Variants in SYTL2 observed in about 807,000 individuals in gnomAD.
SYTL2 encodes synaptotagmin-like protein 2.
In SYTL2, 165 loss-of-function variants were observed where a neutral mutation model predicts 198.7. That is an observed-to-expected ratio of 0.83 (90% CI 0.73 to 0.94). SYTL2 has a LOEUF of 0.94. SYTL2 is among the 40% of genes least tolerant of loss of function. The probability of loss-of-function intolerance (pLI) is 0.00; values close to 1 mark genes in which losing one functional copy is unlikely to be tolerated. For synonymous variants in SYTL2, 966 were observed against 917.7 expected, an observed-to-expected ratio of 1.05 and a Z score of -0.95; for missense variants, 2,835 against 2,582.8, an observed-to-expected ratio of 1.10 and a Z score of -2.12.
chr11:85,778,592 T>A (rs566028716), intron 1 of SYTL2, among the ~76,000 whole-genome samples: 3 of 152,378 alleles, frequency 2.0e-5, no homozygotes, highest in Non-Finnish European at 4.4e-5. Context: ...CATGCACCAC[T>A]GAAGTCTTGA....
chr11:85,781,528 T>A (rs1041792406), intron 1 of SYTL2, among the ~76,000 whole-genome samples: 1 of 152,180 alleles, frequency 6.6e-6, no homozygotes, highest in Non-Finnish European at 1.5e-5. Flanking sequence ...TTAACTCATT[T>A]CAGCATTAAC....
chr11:85,723,679 T>C (rs1215524661), intron 8 of SYTL2, among the ~76,000 whole-genome samples: 1 of 152,214 alleles, frequency 6.6e-6, no homozygotes, highest in East Asian at 1.9e-4. Flanking sequence ...AACCTAAAAG[T>C]TCTATAGGTA....
At chr11:85,789,366 AT>A (rs1566026246) in intron 1 of SYTL2, among the ~76,000 whole-genome samples, 38 of 47,810 alleles carry the variant, frequency 7.9e-4, no homozygotes, top group African/African-American at 2.3e-3. Context: ...ATATATATAT[AT>A]ATATATATAT....
chr11:85,793,101 G>A (rs2092754880), intron 1 of SYTL2, among the ~76,000 whole-genome samples: 4 of 151,844 alleles, frequency 2.6e-5, no homozygotes, highest in Admixed American at 2.6e-4. Flanking sequence ...GTGTGCATGT[G>A]TCTTTATAGC....
Position 85,777,629 on chromosome 11 carries a change from T to TC in SYTL2, c.-389-19516dup, listed in dbSNP as rs201901123. On this transcript the variant is annotated intron_variant, in intron 1 of 19. Transcript: ENST00000359152. ...TGTACACTAAAAGAATGGGATTTAA[T>TC]CCCCCCCCAACCCACACCCCCTGCC... is the stretch of plus-strand genomic sequence containing the variant. 4.2e-4 allele frequency among the ~76,000 whole-genome samples: 58 copies of TC among 138,154 alleles called. No homozygotes were observed. In the East Asian group the frequency reaches 7.0e-3, roughly 17 times the overall value. The allele number at this position is 138,154 out of a possible 152,430, so 90.6% of individuals were successfully genotyped here.
At chr11:85,786,045 T>A (rs959199856) in intron 1 of SYTL2, among the ~76,000 whole-genome samples, 1 of 152,156 alleles carries the variant, frequency 6.6e-6, no homozygotes, top group Non-Finnish European at 1.5e-5. Flanking sequence ...CTCTGGTACA[T>A]CCATACCGTG....
the SYTL2 span, among the ~76,000 whole-genome samples, chr11:85,846,177 G>A: frequency 6.6e-6 from 1 of 152,314 alleles, no homozygotes; most frequent in East Asian, 1.9e-4. Flanking sequence ...CTCCAGCATG[G>A]TTGTCTCATA....
rs1283260455 is a variant in SYTL2, at chr11:85,726,926, T to C, written c.2432A>G (p.Glu811Gly). The change falls in exon 8 of 20, where the codon GAA (glutamate) becomes GGA (glycine). Residue 811 changes from glutamate to glycine, a missense_variant. Glu to Gly is a moderately conservative substitution (Grantham distance 98). Around this residue, in one of 3 missense-constraint regions of SYTL2, gnomAD observed 2,645 missense variants for 2,381.7 expected, o/e 1.11. Transcript: ENST00000359152. The stretch of plus-strand genomic sequence containing the variant: ...CTGGCTACATGAAGATGTGGGTTTT[T>C]CATGAGTTATCTTAGCACCAGCTTT... ...GEKAGAKITHEKPTSSCSQEQ... is the reference protein window; with the variant it reads ...GEKAGAKITHGKPTSSCSQEQ... The C allele has an allele frequency of 2.0e-6, 3 of 1,536,430 alleles. No individual in the cohort carries two copies. The highest frequency in any genetic ancestry group is 1.2e-5 in the South Asian group (1 of 83,994).
intron 1 of SYTL2, among the ~76,000 whole-genome samples, chr11:85,794,937 T>C (rs1412992754): frequency 6.6e-6 from 1 of 151,956 alleles, no homozygotes; most frequent in Non-Finnish European, 1.5e-5. Context: ...AATGCCTAGC[T>C]TCCCATTCCT....
chr11:85,830,429 T>C, the SYTL2 span, among the ~76,000 whole-genome samples: 1 of 152,212 alleles, frequency 6.6e-6, no homozygotes, highest in Admixed American at 6.5e-5. Flanking sequence ...ACACCTTGCA[T>C]TGAAAATCTG....
chr11:85,816,215 G>A, the SYTL2 span, among the ~76,000 whole-genome samples: 2 of 152,010 alleles, frequency 1.3e-5, no homozygotes, highest in Non-Finnish European at 2.9e-5. Flanking sequence ...AACAACTTTT[G>A]TAGTGATCAC....
In SYTL2 at chr11:85,734,661, G is replaced by T. The variant is rs761944453; in HGVS notation, c.668C>A (p.Pro223Gln). 1 of 1,614,124 alleles carries T rather than the reference G, an allele frequency of 6.2e-7. No individual in the cohort carries two copies. The highest frequency in any genetic ancestry group is 1.1e-5 in the South Asian group (1 of 91,072). ...QKLEKSKQTL[P>Q]GLSNGSQIKA... Reference sequence around the variant, plus strand: ...GATTTGGGACCCATTTGAAAGGCCTGGCAAAGTCTGCTTTGATTTCTCTAA... The same window carrying T: ...GATTTGGGACCCATTTGAAAGGCCTTGCAAAGTCTGCTTTGATTTCTCTAA... Residue 223 changes from proline (P) to glutamine (Q), a missense_variant, in exon 7 of 20, where the codon CCA becomes CAA. By Grantham distance (76) the Pro-to-Gln change is moderately conservative. Coordinates refer to ENST00000359152, the MANE Select transcript of SYTL2 (RefSeq NM_206927.4).
At chr11:85,756,954 C>T (rs2091899965) in intron 2 of SYTL2, among the ~76,000 whole-genome samples, 1 of 152,200 alleles carries the variant, frequency 6.6e-6, no homozygotes, top group Admixed American at 6.5e-5. Flanking sequence ...ATTACACAGG[C>T]AGTAAATGGC....
the SYTL2 span, among the ~76,000 whole-genome samples, chr11:85,817,852 GT>G: frequency 1.3e-5 from 2 of 149,260 alleles, no homozygotes; most frequent in South Asian, 4.2e-4. Context: ...ACTGACTGGG[GT>G]TTTTATCCCC....
chr11:85,807,140 C>T (rs763951110), intron 1 of SYTL2, among the ~76,000 whole-genome samples: 4 of 152,226 alleles, frequency 2.6e-5, no homozygotes, highest in Non-Finnish European at 4.4e-5. Context: ...TCTGAGACTC[C>T]CTGTGTAACT....
At chr11:85,805,214 A>C (rs1229197295) in intron 1 of SYTL2, among the ~76,000 whole-genome samples, 1 of 151,626 alleles carries the variant, frequency 6.6e-6, no homozygotes, top group Non-Finnish European at 1.5e-5. Context: ...AAAAGGGCCG[A>C]GTGTGGTGGC....
At chr11:85,847,206 C>A in the SYTL2 span, among the ~76,000 whole-genome samples, 1 of 152,110 alleles carries the variant, frequency 6.6e-6, no homozygotes, top group Non-Finnish European at 1.5e-5. Flanking sequence ...TCTCCTGCCC[C>A]CTTGCAGTCA....
rs2093025373 is a variant in SYTL2, at chr11:85,811,052, G to A, written c.-488C>T. ...CGGTGCAAACCGCGCAGCCCCGGGC[G>A]CGGCGCGTTACCTTCCCCCGGGCAA... On this transcript the variant is annotated 5_prime_UTR_variant, in exon 1 of 20. Coordinates refer to ENST00000359152, the MANE Select transcript of SYTL2 (RefSeq NM_206927.4). 1 of 152,360 alleles carries A rather than the reference G, an allele frequency of 6.6e-6. No homozygotes were observed. The highest frequency in any genetic ancestry group is 1.5e-5 in the Non-Finnish European group (1 of 68,046). 9.4% of individuals were successfully genotyped at this position (152,360 alleles called of 1,614,324 possible). A position where few individuals can be genotyped will look rare whatever the true frequency, so the allele number is the denominator to read the frequency against.
chr11:85,842,688 G>T, the SYTL2 span, among the ~76,000 whole-genome samples: 1 of 152,188 alleles, frequency 6.6e-6, no homozygotes, highest in African/African-American at 2.4e-5. Context: ...GGGTGGGCCT[G>T]GATCTTGGAG....
Sources: allele counts gnomAD v4.1 joint callset (sites outside exome capture counted in the v4.1 genomes callset), GRCh38; gene constraint gnomAD v4.1.1; regional missense constraint gnomAD v4.1.1; transcripts MANE v1.5; gene names NCBI Gene and HGNC (gene_info 2026-07-23, HGNC 2026-07-21).